KCNK10: variants seen among roughly 807,000 people sequenced by gnomAD.
The protein encoded by KCNK10 is potassium two pore domain channel subfamily K member 10.
A neutral mutation model predicts 47.7 loss-of-function variants in KCNK10; 25 were observed. That is an observed-to-expected ratio of 0.52 (90% confidence interval 0.38 to 0.73). The LOEUF is 0.73. Among genes scored for constraint, KCNK10 ranks in the 30% least tolerant of loss-of-function variants. KCNK10 has a pLI of 0.00. For synonymous variants in KCNK10, 303 were observed against 285.6 expected, an observed-to-expected ratio of 1.06 and a Z score of -0.61; for missense variants, 563 against 714.5, an observed-to-expected ratio of 0.79 and a Z score of 2.42.
chr14:88,290,225 T>C (rs967416789), intron 1 of KCNK10, among the ~76,000 whole-genome samples: 1 of 152,062 alleles, frequency 6.6e-6, no homozygotes, highest in Non-Finnish European at 1.5e-5. Flanking sequence ...AGAGGAGGCA[T>C]GTGAGGACAG....
chr14:88,256,823 T>C (rs1029693052), intron 2 of KCNK10, among the ~76,000 whole-genome samples: 1 of 152,120 alleles, frequency 6.6e-6, no homozygotes, highest in Admixed American at 6.5e-5. Flanking sequence ...GCAGCAGCAA[T>C]AACAAGAGCT....
At chr14:88,274,135 G>A (rs547518663) in intron 1 of KCNK10, among the ~76,000 whole-genome samples, 30 of 145,560 alleles carry the variant, frequency 2.1e-4, no homozygotes, top group Non-Finnish European at 2.2e-4. Context: ...CACAAGCACC[G>A]CCATGGTTCT....
rs543233163 is a variant in KCNK10, at chr14:88,308,042, G to A, written c.52+14705C>T. 8.5e-5 allele frequency among the ~76,000 whole-genome samples: 13 copies of A among 152,264 alleles called. No individual in the cohort carries two copies. The South Asian group carries it at 2.7e-3, about 32-fold the overall frequency. ...TTAGTGCCTAAGTTCGGCAGCTTGGGAGTGGCAGAGCTGGTGGGGCACACC... is the reference window on the plus strand; with the variant it reads ...TTAGTGCCTAAGTTCGGCAGCTTGGAAGTGGCAGAGCTGGTGGGGCACACC... On this transcript the variant is annotated intron_variant, in intron 1 of 6. Coordinates refer to ENST00000319231, the MANE Select transcript of KCNK10 (RefSeq NM_138317.3).
chr14:88,248,457 G>T, intron 2 of KCNK10, among the ~76,000 whole-genome samples: 1 of 152,160 alleles, frequency 6.6e-6, no homozygotes, highest in East Asian at 1.9e-4. Context: ...AGCTGGGCAT[G>T]GTAGTTCATG....
chr14:88,293,830 C>T (rs1362655422), intron 1 of KCNK10, among the ~76,000 whole-genome samples: 1 of 151,856 alleles, frequency 6.6e-6, no homozygotes, highest in African/African-American at 2.4e-5. Context: ...CATGCACCAC[C>T]ACACTTGGCT....
chr14:88,271,552 C>T (rs1322285459), intron 1 of KCNK10, among the ~76,000 whole-genome samples: 2 of 152,174 alleles, frequency 1.3e-5, no homozygotes, highest in African/African-American at 4.8e-5. Flanking sequence ...TCAGTTCGGG[C>T]CTTTCTTGTT....
intron 4 of KCNK10, among the ~76,000 whole-genome samples, chr14:88,220,618 T>C (rs1480534090): frequency 1.4e-5 from 2 of 139,316 alleles, no homozygotes; most frequent in South Asian, 2.2e-4. Flanking sequence ...AAAAAAAAGG[T>C]CTTTTCAACA....
intron 1 of KCNK10, among the ~76,000 whole-genome samples, chr14:88,313,922 T>C (rs1179395207): frequency 6.6e-6 from 1 of 152,194 alleles, no homozygotes; most frequent in East Asian, 1.9e-4. Context: ...CTTCTCAGAG[T>C]ATCTGATGAG....
chr14:88,180,599 T>C lies in KCNK10; in HGVS notation c.*4936A>G, dbSNP rs1215311488. The C allele has an allele frequency of 2.5e-6, 1 of 395,024 alleles. No individual in the cohort carries two copies. Among genetic ancestry groups the C allele is most frequent in the Non-Finnish European group, 4.5e-6 (1 of 224,178 alleles). 24.5% of individuals were successfully genotyped at this position (395,024 alleles called of 1,614,324 possible). The stretch of plus-strand genomic sequence containing the variant: ...ATGCACAGGGAACTATTTCAGATTT[T>C]TCACCTAAGAATCAAGAACACAAAG... On this transcript the variant is annotated 3_prime_UTR_variant, in exon 7 of 7. Transcript: ENST00000319231.
chr14:88,217,347 T>G (rs1026436007), intron 4 of KCNK10, among the ~76,000 whole-genome samples: 1 of 152,150 alleles, frequency 6.6e-6, no homozygotes, highest in East Asian at 1.9e-4. Context: ...GGCAGCCATT[T>G]CTTAAACTAA....
At chr14:88,287,655 T>C (rs1456916342) in intron 1 of KCNK10, among the ~76,000 whole-genome samples, 2 of 151,818 alleles carry the variant, frequency 1.3e-5, no homozygotes, top group Non-Finnish European at 2.9e-5. Context: ...TTCCTTTTTA[T>C]GGCTGAATAG....
chr14:88,213,924 A>T (rs915664213), intron 4 of KCNK10, among the ~76,000 whole-genome samples: 4 of 124,424 alleles, frequency 3.2e-5, no homozygotes, highest in Admixed American at 7.7e-5. Context: ...ATTTTACTTT[A>T]TTATTATTAT....
At chr14:88,326,035 C>T (rs1306732601), upstream of KCNK10, among the ~76,000 whole-genome samples, 2 of 152,052 alleles carry the variant, frequency 1.3e-5, no homozygotes, top group Non-Finnish European at 2.9e-5. Context: ...AAGACTTGCA[C>T]TAGTCATTGG....
chr14:88,307,283 CAT>C (rs35938841), intron 1 of KCNK10, among the ~76,000 whole-genome samples: 103,652 of 151,546 alleles, frequency 0.68, 37,105 homozygotes, highest in Non-Finnish European at 0.81. Context: ...ATGGATGCCA[CAT>C]GAGTGAACCT....
chr14:88,245,002 A>G (rs995510495), intron 2 of KCNK10, among the ~76,000 whole-genome samples: 1 of 152,200 alleles, frequency 6.6e-6, no homozygotes, highest in African/African-American at 2.4e-5. Flanking sequence ...TTTACATTTT[A>G]ATTCCATTCC....
chr14:88,322,989 G>A lies in KCNK10; in HGVS notation c.-191C>T. On this transcript the variant is annotated 5_prime_UTR_variant, in exon 1 of 7. Transcript: ENST00000319231. The surrounding 1 kb of genome is among the most constrained non-coding windows in gnomAD (Gnocchi z 4.8). ...TTAGCTTGGGGGAGAACTGGAGAGG[G>A]CTTGGGTGTTTGCACCGGCCAGGGG... 1 of 1,418,952 alleles carries A rather than the reference G, an allele frequency of 7.0e-7. No individual in the cohort carries two copies. The highest frequency in any genetic ancestry group is 9.2e-7 in the Non-Finnish European group (1 of 1,089,284). 87.9% of individuals were successfully genotyped at this position (1,418,952 alleles called of 1,614,324 possible).
chr14:88,323,248 A>C lies in KCNK10; in HGVS notation c.-450T>G. The C allele has an allele frequency of 8.1e-6, 8 of 989,676 alleles. No individual in the cohort carries two copies. Among genetic ancestry groups the C allele is most frequent in the Middle Eastern group, 5.2e-4 (1 of 1,924 alleles). The allele number at this position is 989,676 out of a possible 1,614,324, so 61.3% of individuals were successfully genotyped here. ...CACTCCCGCACACACACACCCGCAC[A>C]CACACTCCCGGGCGCGCGCTTGGGC... is the stretch of plus-strand genomic sequence containing the variant. On this transcript the variant is annotated 5_prime_UTR_variant, in exon 1 of 7. Transcript: ENST00000319231.
Position 88,240,814 on chromosome 14 carries a change from G to T in KCNK10, c.409C>A (p.Leu137Ile). ...QELETLIQHA[L>I]DADNAGVSPI... is the part of the protein sequence containing the mutation. ...CTGACTCCCGCATTGTCAGCATCAAGAGCATGCTGCAAAGAAAGGGAAAAA... is the reference window on the plus strand; with the variant it reads ...CTGACTCCCGCATTGTCAGCATCAATAGCATGCTGCAAAGAAAGGGAAAAA... Residue 137 changes from leucine (L) to isoleucine (I), a missense_variant, in exon 3 of 7, where the codon CTT (leucine) becomes ATT (isoleucine). Transcript: ENST00000319231. The T allele has an allele frequency of 1.2e-6, 2 of 1,600,520 alleles. No homozygotes were observed. The highest frequency in any genetic ancestry group is 8.6e-7 in the Non-Finnish European group (1 of 1,168,402).
At chr14:88,285,183 T>G (rs748007278) in intron 1 of KCNK10, among the ~76,000 whole-genome samples, 3 of 152,162 alleles carry the variant, frequency 2.0e-5, no homozygotes, top group Non-Finnish European at 4.4e-5. Flanking sequence ...ACCATCTTAG[T>G]TCACTGCAAC....
Sources: allele counts gnomAD v4.1 joint callset (sites outside exome capture counted in the v4.1 genomes callset), GRCh38; gene constraint gnomAD v4.1.1; non-coding constraint Gnocchi (gnomAD v3.1); transcripts MANE v1.5; gene names NCBI Gene and HGNC (gene_info 2026-07-23, HGNC 2026-07-21).